Variants in PTPRG observed in about 807,000 individuals in gnomAD.
PTPRG encodes receptor-type tyrosine-protein phosphatase gamma.
In PTPRG, 102 loss-of-function variants were observed where a neutral mutation model predicts 165.3. That is an observed-to-expected ratio of 0.62 (90% confidence interval 0.53 to 0.73). PTPRG has a LOEUF of 0.73. PTPRG is among the 30% of genes least tolerant of loss of function. PTPRG has a pLI of 0.00. For synonymous variants in PTPRG, 675 were observed against 669.5 expected (o/e 1.01, Z -0.13); for missense variants, 1,866 against 1,861.4 (o/e 1.00, Z -0.05).
chr3:61,922,499 C>T (rs1236217884), intron 2 of PTPRG, among the ~76,000 whole-genome samples: 1 of 152,088 alleles, frequency 6.6e-6, no homozygotes, highest in Non-Finnish European at 1.5e-5. Context: ...TGTGTGTACG[C>T]TTGTGCGCGT....
intron 4 of PTPRG, among the ~76,000 whole-genome samples, chr3:62,049,502 C>A (rs1700402884): frequency 6.6e-6 from 1 of 152,152 alleles, no homozygotes; most frequent in South Asian, 2.1e-4. Flanking sequence ...TTCATGTAAT[C>A]AAATGCATCT....
At chr3:61,903,452 C>A (rs1477798646) in intron 2 of PTPRG, among the ~76,000 whole-genome samples, 8 of 152,202 alleles carry the variant, frequency 5.3e-5, no homozygotes, top group African/African-American at 1.2e-4. Flanking sequence ...CGGCTCACTG[C>A]AACCTCCGCC....
At chr3:62,186,052 T>C (rs1193920920) in intron 8 of PTPRG, among the ~76,000 whole-genome samples, 1 of 152,192 alleles carries the variant, frequency 6.6e-6, no homozygotes, top group Non-Finnish European at 1.5e-5. Flanking sequence ...AGCAGAACTT[T>C]GGAAGCACAA....
intron 5 of PTPRG, among the ~76,000 whole-genome samples, chr3:62,081,269 C>A (rs200465681): frequency 0.35 from 34,093 of 97,940 alleles, 5,760 homozygotes; most frequent in African/African-American, 0.51. Context: ...AACAAACAAA[C>A]AAACAAACAA....
intron 2 of PTPRG, among the ~76,000 whole-genome samples, chr3:61,798,328 A>T (rs756354386): frequency 1.3e-5 from 2 of 152,182 alleles, no homozygotes; most frequent in Admixed American, 6.5e-5. Flanking sequence ...CTTCACCACT[A>T]TGTAGGTTCC....
chr3:61,650,671 A>G (rs1194701343), intron 1 of PTPRG, among the ~76,000 whole-genome samples: 1 of 152,230 alleles, frequency 6.6e-6, no homozygotes, highest in Non-Finnish European at 1.5e-5. Context: ...TGAAGATTTA[A>G]TCAAATACAC....
chr3:62,193,915 T>C (rs1243552699), intron 9 of PTPRG, among the ~76,000 whole-genome samples: 2 of 152,214 alleles, frequency 1.3e-5, no homozygotes, highest in Non-Finnish European at 2.9e-5. Context: ...TCAGTTGCTT[T>C]TGTTGTTCGT....
intron 1 of PTPRG, among the ~76,000 whole-genome samples, chr3:61,614,136 G>A (rs13319026): frequency 2.0e-5 from 3 of 152,026 alleles, no homozygotes; most frequent in Admixed American, 6.6e-5. Context: ...TCACCTCTTC[G>A]CCTGTTGTTC....
chr3:61,714,805 TATTA>T (rs1281516192), intron 1 of PTPRG, among the ~76,000 whole-genome samples: 1 of 152,228 alleles, frequency 6.6e-6, no homozygotes, highest in African/African-American at 2.4e-5. Flanking sequence ...CTCTGAACTG[TATTA>T]ATGGTAGAGA....
chr3:61,830,251 C>G (rs1469746180), intron 2 of PTPRG, among the ~76,000 whole-genome samples: 2 of 152,208 alleles, frequency 1.3e-5, no homozygotes. Context: ...TTGGAAACTT[C>G]ACTGTGTGAA....
rs533264075 is a variant in PTPRG at position 61,800,894 on chromosome 3, G to A, written c.190+51912G>A. On this transcript the variant is annotated intron_variant, in intron 2 of 29. Transcript: ENST00000474889. ...CTGGACCTCAGGTGATCCACCCGCCGTCAGCCTCCCAAAGTGCTGGGATTA... is the reference window on the plus strand; with the variant it reads ...CTGGACCTCAGGTGATCCACCCGCCATCAGCCTCCCAAAGTGCTGGGATTA... 5.9e-5 allele frequency among the ~76,000 whole-genome samples: 9 copies of A among 152,052 alleles called. No homozygotes were observed. In the South Asian group the frequency reaches 8.3e-4, roughly 14 times the overall value.
At chr3:62,048,011 A>G (rs779423154) in intron 4 of PTPRG, among the ~76,000 whole-genome samples, 5 of 152,162 alleles carry the variant, frequency 3.3e-5, no homozygotes, top group African/African-American at 4.8e-5. Context: ...ATTAATTACA[A>G]TATTTCATAT....
intron 2 of PTPRG, among the ~76,000 whole-genome samples, chr3:61,938,808 A>C (rs2039542480): frequency 6.6e-6 from 1 of 152,246 alleles, no homozygotes; most frequent in Non-Finnish European, 1.5e-5. Flanking sequence ...ATCTTCTGGA[A>C]TGAGAAAAAA....
chr3:62,283,132 T>A (rs1423812555), intron 28 of PTPRG, among the ~76,000 whole-genome samples: 3 of 152,114 alleles, frequency 2.0e-5, no homozygotes, highest in African/African-American at 7.2e-5. Context: ...CCTACAGAGG[T>A]AGATCTGCAT....
intron 2 of PTPRG, among the ~76,000 whole-genome samples, chr3:61,864,945 A>C (rs2037365183): frequency 6.6e-6 from 1 of 152,168 alleles, no homozygotes; most frequent in Non-Finnish European, 1.5e-5. Context: ...AAGGCCCACC[A>C]TGCCAGCATG....
intron 1 of PTPRG, among the ~76,000 whole-genome samples, chr3:61,721,924 G>A (rs1003936492): frequency 6.6e-6 from 1 of 152,184 alleles, no homozygotes; most frequent in Non-Finnish European, 1.5e-5. Flanking sequence ...CTGTGGATCA[G>A]ATTTAGCTTT....
chr3:61,633,848 C>T (rs1373768149), intron 1 of PTPRG, among the ~76,000 whole-genome samples: 1 of 151,056 alleles, frequency 6.6e-6, no homozygotes, highest in African/African-American at 2.4e-5. Context: ...CTAATAGATA[C>T]CCTTTTTCAG....
intron 2 of PTPRG, chr3:61,926,049 A>T (rs906401525): frequency 7.0e-6 from 3 of 428,188 alleles, no homozygotes; most frequent in Non-Finnish European, 1.4e-5. Flanking sequence ...CAGAATAGAA[A>T]CCGCATTTTA....
At chr3:61,865,599 T>A (rs144185360) in intron 2 of PTPRG, among the ~76,000 whole-genome samples, 227 of 152,314 alleles carry the variant, frequency 1.5e-3, no homozygotes, top group Non-Finnish European at 2.8e-3. Context: ...CTGGTCATAA[T>A]GAAATCATTC....
Sources: allele counts gnomAD v4.1 joint callset (sites outside exome capture counted in the v4.1 genomes callset), GRCh38; gene constraint gnomAD v4.1.1; transcripts MANE v1.5; gene names NCBI Gene and HGNC (gene_info 2026-07-23, HGNC 2026-07-21).